The following FABP3 variants were observed in gnomAD, a reference collection of about 807,000 sequenced individuals.
FABP3 encodes the protein fatty acid binding protein 3.
In FABP3, 8 loss-of-function variants were observed where a neutral mutation model predicts 13.4. That is an observed-to-expected ratio of 0.60 (90% confidence interval 0.35 to 1.07). The LOEUF is 1.07. FABP3 is among the 50% of genes least tolerant of loss of function. The pLI is 0.02. For missense variants in FABP3, 135 were observed against 164.7 expected (o/e 0.82, Z 0.99); for synonymous variants, 64 against 60.0 (o/e 1.07, Z -0.31).
chr1:31,369,614 A>C, intron 1 of FABP3, 57 bp from the exon 2 acceptor site: 2 of 1,549,202 alleles, frequency 1.3e-6, no homozygotes, highest in South Asian at 2.3e-5. Flanking sequence ...GCAGTGTACA[A>C]GAAACTCAAT....
rs112903493 is a variant in FABP3 at position 31,367,391 on chromosome 1, A to G, written c.348+2T>C. ...ATATAGCTCCAAAGTTGCCCATCTT[A>G]CCAGGATGAGTTTTCCATCAATTAG... On this transcript the variant is annotated splice_donor_variant, in intron 3 of 3. Transcript: ENST00000373713. LOFTEE classifies it high-confidence loss of function. The G allele has an allele frequency of 6.2e-7, 1 of 1,612,952 alleles. No homozygotes were observed. Among genetic ancestry groups the G allele is most frequent in the Non-Finnish European group, 8.5e-7 (1 of 1,178,918 alleles).
downstream of FABP3, among the ~76,000 whole-genome samples, chr1:31,362,677 T>C (rs1013907557): frequency 6.6e-6 from 1 of 152,198 alleles, no homozygotes; most frequent in Non-Finnish European, 1.5e-5. Flanking sequence ...TTATTTCCCC[T>C]GGCACCAGGA....
intron 1 of FABP3, among the ~76,000 whole-genome samples, chr1:31,371,376 C>T (rs1196106902): frequency 3.9e-4 from 59 of 152,078 alleles, no homozygotes; most frequent in Admixed American, 3.4e-3. Context: ...GAAACCACTG[C>T]GGGATGAGTG....
chr1:31,366,667 T>TG lies in FABP3; in HGVS notation c.348+725dup, dbSNP rs1415840805. 5.3e-5 allele frequency among the ~76,000 whole-genome samples: 8 copies of TG among 152,332 alleles called. No homozygotes were observed. In the South Asian group the frequency reaches 1.7e-3, roughly 32 times the overall value. Reference sequence around the variant, plus strand: ...CACAGTTGGCTGCTCTCCCTGGGTCTGGGGGGAATTCAGTCAAGGCTAGAT... The same window carrying TG: ...CACAGTTGGCTGCTCTCCCTGGGTCTGGGGGGGAATTCAGTCAAGGCTAGAT... On this transcript the variant is annotated intron_variant, in intron 3 of 3. Transcript: ENST00000373713.
At chr1:31,367,689 A>G (rs1184580591) in intron 2 of FABP3, among the ~76,000 whole-genome samples, 195 bp from the exon 3 acceptor site, 1 of 152,144 alleles carries the variant, frequency 6.6e-6, no homozygotes, top group African/African-American at 2.4e-5. Flanking sequence ...CTGCTCCACT[A>G]CTGCCTTTCT....
chr1:31,366,067 T>C (rs1640105999), intron 3 of FABP3, 128 bp from the exon 4 acceptor site: 1 of 71,782 alleles, frequency 1.4e-5, no homozygotes, highest in African/African-American at 3.3e-4. Context: ...TATGTATGTG[T>C]GTGTGTGTGT....
At chr1:31,368,046 A>G (rs1023174812) in intron 2 of FABP3, among the ~76,000 whole-genome samples, 1 of 152,196 alleles carries the variant, frequency 6.6e-6, no homozygotes, top group Non-Finnish European at 1.5e-5. Flanking sequence ...CTCTTTAGCC[A>G]ACAAGAGGGC....
At chr1:31,360,938 G>C (rs79337809), downstream of FABP3, among the ~76,000 whole-genome samples, 724 of 152,298 alleles carry the variant, frequency 4.8e-3, 33 homozygotes, top group East Asian at 0.093. Context: ...GTGTAAGGCA[G>C]TATTATTACT....
intron 2 of FABP3, 56 bp from the exon 3 acceptor site, chr1:31,367,550 G>T: frequency 6.8e-7 from 1 of 1,467,974 alleles, no homozygotes; most frequent in Non-Finnish European, 9.6e-7. Flanking sequence ...TTGAGGGGCA[G>T]GGTGGGGTCT....
At chr1:31,363,805 C>T (rs1640023086), downstream of FABP3, among the ~76,000 whole-genome samples, 2 of 152,032 alleles carry the variant, frequency 1.3e-5, no homozygotes, top group Admixed American at 1.3e-4. Context: ...AAGTGGTCCC[C>T]TATTGATTGT....
chr1:31,364,415 CA>C, downstream of FABP3: 1 of 682,920 alleles, frequency 1.5e-6, no homozygotes, highest in Non-Finnish European at 2.3e-6. Context: ...GGTCCCTTTG[CA>C]AGTGAACCCT....
At chr1:31,362,408 A>G (rs532403484), downstream of FABP3, among the ~76,000 whole-genome samples, 1 of 152,316 alleles carries the variant, frequency 6.6e-6, no homozygotes, top group African/African-American at 2.4e-5. Context: ...GAGGCAATAT[A>G]GGTATTTGAA....
In FABP3 at chr1:31,365,716, A is replaced by AAAC; in HGVS notation, c.*169_*170insGTT. The AAAC allele has an allele frequency of 1.6e-6, 1 of 611,604 alleles. No individual in the cohort carries two copies. The highest frequency in any genetic ancestry group is 2.0e-5 in the South Asian group (1 of 49,384). 37.9% of individuals were successfully genotyped at this position (611,604 alleles called of 1,614,324 possible). A position where few individuals can be genotyped will look rare whatever the true frequency, so the allele number is the denominator to read the frequency against. On this transcript the variant is annotated 3_prime_UTR_variant, in exon 4 of 4. Transcript: ENST00000373713. ...CTATGAGTGCAGTTAAAAAAAAAAA[A>AAAC]AAAAAACCACATACACCATGGGAAC...
downstream of FABP3, among the ~76,000 whole-genome samples, chr1:31,363,405 G>A (rs1394528674): frequency 5.9e-5 from 9 of 152,086 alleles, no homozygotes; most frequent in South Asian, 2.1e-4. Flanking sequence ...GGATGGTCTC[G>A]ATCTCCTGAC....
At chr1:31,364,712 C>G (rs1045971523), downstream of FABP3, 1 of 154,842 alleles carries the variant, frequency 6.5e-6, no homozygotes, top group African/African-American at 2.4e-5. Context: ...CCCATTCCTC[C>G]TAACATAGTT....
In FABP3 at chr1:31,372,867, A is replaced by AGGAGTGCTGCGTG. The variant is rs1553128419; in HGVS notation, c.73+62_73+74dup. 3.6e-6 allele frequency: 5 copies of AGGAGTGCTGCGTG among 1,382,770 alleles called. No individual in the cohort carries two copies. In the African/African-American group the frequency reaches 7.1e-5, roughly 20 times the overall value. The allele number at this position is 1,382,770 out of a possible 1,614,324, so 85.7% of individuals were successfully genotyped here. Reference sequence around the variant, plus strand: ...CAGTCTTAACCAGGAGGGATGCGGCAGGAGTGCTGCGTGGGGCTAGGCACG... The same window carrying AGGAGTGCTGCGTG: ...CAGTCTTAACCAGGAGGGATGCGGCAGGAGTGCTGCGTGGGAGTGCTGCGTGGGGCTAGGCACG... On this transcript the variant is annotated intron_variant, in intron 1 of 3. Transcript: ENST00000373713.
chr1:31,365,113 T>C (rs937566167), downstream of FABP3, among the ~76,000 whole-genome samples: 1 of 152,202 alleles, frequency 6.6e-6, no homozygotes, highest in African/African-American at 2.4e-5. Flanking sequence ...GGGAGATCAC[T>C]TATAAGCCCT....
At chr1:31,368,100 C>T (rs1297597793) in intron 2 of FABP3, among the ~76,000 whole-genome samples, 1 of 152,212 alleles carries the variant, frequency 6.6e-6, no homozygotes, top group African/African-American at 2.4e-5. Flanking sequence ...GAAGTGGTTC[C>T]TCAGCTCTGG....
Position 31,366,070 on chromosome 1 carries a change from G to A in FABP3, c.349-131C>T, listed in dbSNP as rs61780775. On this transcript the variant is annotated intron_variant, in intron 3 of 3. Coordinates refer to ENST00000373713, the MANE Select transcript of FABP3 (RefSeq NM_004102.5). ...GCCGGCTATATGTATGTATGTGTGT[G>A]TGTGTGTGTGTGTGTGTGTGTGTGT... 30 of 87,530 alleles carry A rather than the reference G, an allele frequency of 3.4e-4. 1 individual carries two copies. Among genetic ancestry groups the A allele is most frequent in the African/African-American group, 2.3e-3 (20 of 8,868 alleles). 5.4% of individuals were successfully genotyped at this position (87,530 alleles called of 1,614,324 possible).
Sources: gnomAD v4.1 joint callset for allele counts (sites outside exome capture counted in the v4.1 genomes callset) on GRCh38, gnomAD v4.1.1 for gene constraint, MANE v1.5 for transcripts, NCBI Gene and HGNC (gene_info 2026-07-23, HGNC 2026-07-21) for gene names.